NARF: variants seen among roughly 807,000 people sequenced by gnomAD.
The protein encoded by NARF is iron-only hydrogenase-like protein 2.
Under a neutral mutation model 48.0 loss-of-function variants are expected in NARF, and 41 were observed. The ratio of observed to expected loss-of-function variants is 0.85; its 90% CI spans 0.66 to 1.11. The LOEUF is 1.11. NARF is among the 50% of genes least tolerant of loss of function. NARF has a pLI of 0.00. For missense variants in NARF, 613 were observed against 590.2 expected (o/e 1.04, Z -0.40); for synonymous variants, 215 against 225.5 (o/e 0.95, Z 0.42).
intron 8 of NARF, 179 bp from the exon 9 acceptor site, chr17:82,484,634 C>A: frequency 1.5e-6 from 1 of 674,170 alleles, no homozygotes; most frequent in Non-Finnish European, 2.2e-6. Flanking sequence ...CAGGCAGGCC[C>A]TCCCAAGACC....
chr17:82,478,993 T>C, intron 6 of NARF, 75 bp downstream of exon 6: 1 of 1,409,062 alleles, frequency 7.1e-7, no homozygotes, highest in Non-Finnish European at 9.8e-7. Context: ...GAAGGGGAGG[T>C]TCCCCATCTG....
chr17:82,471,120 C>T (rs1471616679), intron 4 of NARF, among the ~76,000 whole-genome samples: 3 of 150,156 alleles, frequency 2.0e-5, no homozygotes, highest in Non-Finnish European at 2.9e-5. Flanking sequence ...GTTGAGATTG[C>T]GTCACCACAC....
intron 4 of NARF, among the ~76,000 whole-genome samples, chr17:82,469,798 G>A (rs992565972): frequency 6.6e-6 from 1 of 152,084 alleles, no homozygotes; most frequent in Non-Finnish European, 1.5e-5. Flanking sequence ...TAGAGATGAT[G>A]TTTCACCATG....
rs762569549 is a variant in NARF at position 82,459,869 on chromosome 17, AAAAT to A, written c.28-111_28-108del. ...GGGTGAGAGCGAGACTCCGTCTAAA[AAAAT>A]AAATAAATAAACTAAAAGAAAGGAT... On this transcript the variant is annotated intron_variant, in intron 1 of 10. Coordinates refer to ENST00000309794, the MANE Select transcript of NARF (RefSeq NM_012336.4). The A allele has an allele frequency of 2.0e-4, 160 of 797,118 alleles. 3 individuals are homozygous for A. Among genetic ancestry groups the A allele is most frequent in the Middle Eastern group, 1.2e-3 (4 of 3,244 alleles). The allele number at this position is 797,118 out of a possible 1,614,324, so 49.4% of individuals were successfully genotyped here. A position where few individuals can be genotyped will look rare whatever the true frequency, so the allele number is the denominator to read the frequency against.
At position 82,458,758 on chromosome 17, in the gene NARF, C is replaced by T. The variant is rs759234696; in HGVS notation, c.-46C>T. 1.2e-5 allele frequency: 18 copies of T among 1,480,154 alleles called. No homozygotes were observed. The African/African-American group carries it at 2.3e-4, about 19-fold the overall frequency. 91.7% of individuals were successfully genotyped at this position (1,480,154 alleles called of 1,614,324 possible). A position where few individuals can be genotyped will look rare whatever the true frequency, so the allele number is the denominator to read the frequency against. On this transcript the variant is annotated 5_prime_UTR_variant, in exon 1 of 11. Coordinates refer to ENST00000309794, the MANE Select transcript of NARF (RefSeq NM_012336.4). Reference sequence around the variant, plus strand: ...GCAGTGGTGTCCCAGTCTCCCGGTGCTTCCCTGAGGCTGAGGCGCCCGGCC... The same window carrying T: ...GCAGTGGTGTCCCAGTCTCCCGGTGTTTCCCTGAGGCTGAGGCGCCCGGCC...
In NARF at chr17:82,484,883, ATC is replaced by A; in HGVS notation, c.906_907del (p.Phe303GlnfsTer31). 1.2e-6 allele frequency: 2 copies of A among 1,613,534 alleles called. No homozygotes were observed. The highest frequency in any genetic ancestry group is 1.7e-6 in the Non-Finnish European group (2 of 1,179,712). On this transcript the variant is annotated frameshift_variant, in exon 9 of 11. Transcript: ENST00000309794. LOFTEE classifies it high-confidence loss of function. ...CAGCTCAGACGGGCACCTGGCACAC[ATC>A]TTCAGACATGCGGCCAAGGAGCTGT... ...GASSDGHLAH[I>X]FRHAAKELFN...
At chr17:82,460,593 T>C (rs2043412579) in intron 2 of NARF, 1 of 151,290 alleles carries the variant, frequency 6.6e-6, no homozygotes, top group Non-Finnish European at 1.5e-5. Flanking sequence ...TGAAACCTCA[T>C]CTCTACTAAA....
chr17:82,462,660 G>A (rs1418525099), intron 2 of NARF: 2 of 152,470 alleles, frequency 1.3e-5, no homozygotes, highest in African/African-American at 4.8e-5. Flanking sequence ...GGGCTGCCCT[G>A]GGCTGAGTGA....
intron 8 of NARF, 106 bp from the exon 9 acceptor site, chr17:82,484,707 T>C: frequency 7.2e-7 from 1 of 1,390,038 alleles, no homozygotes. Context: ...TTTAGCTTCT[T>C]TGGTGGCGAA....
chr17:82,481,412 C>G (rs1241276854), intron 7 of NARF, among the ~76,000 whole-genome samples: 1 of 152,138 alleles, frequency 6.6e-6, no homozygotes, highest in Non-Finnish European at 1.5e-5. Context: ...AGCCTCCTGT[C>G]TCCTCTGTGC....
At chr17:82,468,011 T>C (rs1456843764) in intron 3 of NARF, among the ~76,000 whole-genome samples, 3 of 152,208 alleles carry the variant, frequency 2.0e-5, no homozygotes, top group Non-Finnish European at 4.4e-5. Flanking sequence ...TAGTCTTGTC[T>C]CTTTTAAGAC....
At chr17:82,470,219 A>G (rs2043666746) in intron 4 of NARF, among the ~76,000 whole-genome samples, 1 of 152,104 alleles carries the variant, frequency 6.6e-6, no homozygotes, top group Non-Finnish European at 1.5e-5. Flanking sequence ...CTCTAACAAG[A>G]CCTGGTCATC....
In NARF at chr17:82,488,469, G is replaced by A. The variant is rs893478626; in HGVS notation, c.*312G>A. On this transcript the variant is annotated 3_prime_UTR_variant, in exon 11 of 11. Transcript: ENST00000309794. Reference sequence around the variant, plus strand: ...CAGCTCACTGCAACCTCTGCCTCCCGGGTTCAAGCGATTCTCTTGCCCCAG... The same window carrying A: ...CAGCTCACTGCAACCTCTGCCTCCCAGGTTCAAGCGATTCTCTTGCCCCAG... 7.6e-6 allele frequency: 2 copies of A among 263,898 alleles called. No homozygotes were observed. The highest frequency in any genetic ancestry group is 1.5e-5 in the Non-Finnish European group (2 of 136,930). The allele number at this position is 263,898 out of a possible 1,614,324, so 16.3% of individuals were successfully genotyped here.
At chr17:82,460,217 C>T (rs1002157055) in intron 2 of NARF, 145 bp downstream of exon 2, 6 of 645,590 alleles carry the variant, frequency 9.3e-6, no homozygotes, top group Non-Finnish European at 1.6e-5. Flanking sequence ...GGAATCCCAG[C>T]ACTTTGGGAG....
At chr17:82,458,683 T>TG (rs1252188498), upstream of NARF, 9 of 1,311,774 alleles carry the variant, frequency 6.9e-6, 1 homozygote, top group South Asian at 8.6e-5. Context: ...GCGCGGCCGT[T>TG]GGGGGTGAGG....
intron 5 of NARF, among the ~76,000 whole-genome samples, chr17:82,474,769 C>T (rs1382739718): frequency 6.6e-6 from 1 of 152,164 alleles, no homozygotes; most frequent in Non-Finnish European, 1.5e-5. Flanking sequence ...GGAAATTTAC[C>T]ATCTGTTCCA....
rs114545005 is a variant in NARF at position 82,479,054 on chromosome 17, A to G, written c.639+136A>G. The G allele has an allele frequency of 3.0e-5, 21 of 695,942 alleles. No homozygotes were observed. In the African/African-American group the frequency reaches 3.2e-4, roughly 11 times the overall value. 43.1% of individuals were successfully genotyped at this position (695,942 alleles called of 1,614,324 possible). On this transcript the variant is annotated intron_variant, in intron 6 of 10. Coordinates refer to ENST00000309794, the MANE Select transcript of NARF (RefSeq NM_012336.4). ...TGAGCAAAAAGGAAGCTGTGGCTTC[A>G]GGAAACATCAGCAGTGCTGTTTCTC...
intron 7 of NARF, chr17:82,483,451 AT>A: frequency 2.2e-6 from 1 of 445,828 alleles, no homozygotes. Context: ...TGGGAAAATC[AT>A]GGAGAGATTG....
At position 82,488,480 on chromosome 17, in the gene NARF, AT is replaced by A. The variant is rs2044147675; in HGVS notation, c.*325del. On this transcript the variant is annotated 3_prime_UTR_variant, in exon 11 of 11. Transcript: ENST00000309794. ...AACCTCTGCCTCCCGGGTTCAAGCG[AT>A]TCTCTTGCCCCAGCCTCCCGAGTAG... 1 of 255,872 alleles carries A rather than the reference AT, an allele frequency of 3.9e-6. No individual in the cohort carries two copies. Among genetic ancestry groups the A allele is most frequent in the Non-Finnish European group, 7.6e-6 (1 of 131,656 alleles). 15.9% of individuals were successfully genotyped at this position (255,872 alleles called of 1,614,324 possible).
Sources: allele counts gnomAD v4.1 joint callset (sites outside exome capture counted in the v4.1 genomes callset), GRCh38; gene constraint gnomAD v4.1.1; transcripts MANE v1.5; gene names NCBI Gene and HGNC (gene_info 2026-07-23, HGNC 2026-07-21).